The following GEMIN5 variants were observed in gnomAD, a reference collection of about 807,000 sequenced individuals.
GEMIN5 encodes the protein gem nuclear organelle associated protein 5, also known as gem-associated protein 5.
GEMIN5 carries 124 observed loss-of-function variants against 176.9 expected under a neutral mutation model. The ratio of observed to expected loss-of-function variants is 0.70; its 90% CI spans 0.61 to 0.81. The LOEUF is 0.81. GEMIN5 is among the 40% of genes least tolerant of loss of function. The probability of loss-of-function intolerance (pLI) is 0.00; values close to 1 mark genes in which losing one functional copy is unlikely to be tolerated. For synonymous variants in GEMIN5, 673 were observed against 665.2 expected, an observed-to-expected ratio of 1.01 and a Z score of -0.18; for missense variants, 1,843 against 1,814.6, an observed-to-expected ratio of 1.02 and a Z score of -0.28.
chr5:154,893,938 T>G (rs1032840610), intron 24 of GEMIN5, among the ~76,000 whole-genome samples: 29 of 152,098 alleles, frequency 1.9e-4, no homozygotes, highest in Non-Finnish European at 3.8e-4. Context: ...TGGCAGTAAT[T>G]TGTTCCTTTT....
chr5:154,937,410 A>C (rs1764292329), intron 1 of GEMIN5, among the ~76,000 whole-genome samples: 1 of 152,246 alleles, frequency 6.6e-6, no homozygotes, highest in Non-Finnish European at 1.5e-5. Flanking sequence ...CTGTGAAATG[A>C]ATGTTGATAT....
At chr5:154,902,498 T>TA (rs764734258) in intron 20 of GEMIN5, 41 bp downstream of exon 20, 1 of 1,604,922 alleles carries the variant, frequency 6.2e-7, no homozygotes, top group Non-Finnish European at 8.5e-7. Context: ...CTAGAGATGA[T>TA]AGAGCTTTTG....
chr5:154,927,552 T>G lies in GEMIN5; in HGVS notation c.915-2A>C, dbSNP rs1764072054. 1 of 1,580,512 alleles carries G rather than the reference T, an allele frequency of 6.3e-7. No homozygotes were observed. ...AGATCCCATTGCAACAGTTCACCTC[T>G]GTGAAGGAAAAACATAAGCATTAGT... On this transcript the variant is annotated splice_acceptor_variant, in intron 6 of 27. Coordinates refer to ENST00000285873, the MANE Select transcript of GEMIN5 (RefSeq NM_015465.5). LOFTEE classifies it high-confidence loss of function.
At chr5:154,902,125 A>G (rs1347320831) in intron 20 of GEMIN5, among the ~76,000 whole-genome samples, 1 of 151,566 alleles carries the variant, frequency 6.6e-6, no homozygotes, top group Non-Finnish European at 1.5e-5. Flanking sequence ...TTTTTTAAAG[A>G]GACAAGGTCT....
Position 154,932,088 on chromosome 5 carries a change from A to T in GEMIN5, c.661+11T>A. On this transcript the variant is annotated intron_variant, in intron 4 of 27. Coordinates refer to ENST00000285873, the MANE Select transcript of GEMIN5 (RefSeq NM_015465.5). Reference sequence around the variant, plus strand: ...TCAAGTGGACTTAACTTTCCCTTAAACCATCTCTACCTGAAGTTTCCTCTT... The same window carrying T: ...TCAAGTGGACTTAACTTTCCCTTAATCCATCTCTACCTGAAGTTTCCTCTT... The T allele has an allele frequency of 6.2e-7, 1 of 1,603,464 alleles. No homozygotes were observed. Among genetic ancestry groups the T allele is most frequent in the Non-Finnish European group, 8.5e-7 (1 of 1,173,672 alleles).
In GEMIN5 at chr5:154,902,670, C is replaced by T; in HGVS notation, c.2735G>A (p.Gly912Asp). Residue 912 changes from glycine (G) to aspartate (D), a missense_variant, in exon 20 of 28, where the codon GGT (glycine) becomes GAT (aspartate). Physicochemically the swap from Gly to Asp is moderately conservative, Grantham distance 94 (BLOSUM62 -1). Transcript: ENST00000285873. The stretch of plus-strand genomic sequence containing the variant: ...CTCAGGGTGGCCATTTTCTAAGTGA[C>T]CTTTTCCTGTTTGAAAGAGAGATAA... ...LYRMIDIEGKGHLENGHPELF... is the reference protein window; with the variant it reads ...LYRMIDIEGKDHLENGHPELF... The T allele has an allele frequency of 3.1e-6, 5 of 1,613,816 alleles. No homozygotes were observed. The highest frequency in any genetic ancestry group is 4.5e-5 in the East Asian group (2 of 44,882).
rs1418154689 is a variant in GEMIN5 at position 154,890,634 on chromosome 5, A to T, written c.4262+607T>A. On this transcript the variant is annotated intron_variant, in intron 26 of 27. Coordinates refer to ENST00000285873, the MANE Select transcript of GEMIN5 (RefSeq NM_015465.5). ...GCATGCCACCACTACTGGCTAATTT[A>T]AAAAAATTAATTTTTCTAGAGACAG... Among the ~76,000 whole-genome samples the T allele has an allele frequency of 3.9e-5, 6 of 151,998 alleles. No individual in the cohort carries two copies. In the East Asian group the frequency reaches 7.7e-4, roughly 20 times the overall value.
At chr5:154,914,361 T>G (rs1458781567) in intron 13 of GEMIN5, among the ~76,000 whole-genome samples, 1 of 151,740 alleles carries the variant, frequency 6.6e-6, no homozygotes, top group African/African-American at 2.4e-5. Context: ...TTATTATAGA[T>G]GAAAGGAGAC....
intron 3 of GEMIN5, among the ~76,000 whole-genome samples, 158 bp downstream of exon 3, chr5:154,935,683 A>C (rs1053545905): frequency 6.6e-6 from 1 of 152,210 alleles, no homozygotes; most frequent in East Asian, 1.9e-4. Flanking sequence ...AGAGACAGTA[A>C]AGACCTGGAG....
In GEMIN5 at chr5:154,935,824, G is replaced by C. The variant is rs764900693; in HGVS notation, c.509+17C>G. ...TAAACAAACAAAAATCATCAATACA[G>C]ATGGCATAGTACTTACCCAATGGCT... On this transcript the variant is annotated intron_variant, in intron 3 of 27. Transcript: ENST00000285873. 4.5e-6 allele frequency: 7 copies of C among 1,561,818 alleles called. No individual in the cohort carries two copies. In the Admixed American group the frequency reaches 1.1e-4, roughly 24 times the overall value.
In GEMIN5 at chr5:154,891,573, G is replaced by A. The variant is rs774430174; in HGVS notation, c.3930C>T (p.Leu1310=). 1.2e-6 allele frequency: 2 copies of A among 1,614,130 alleles called. No homozygotes were observed. Among genetic ancestry groups the A allele is most frequent in the South Asian group, 1.1e-5 (1 of 91,080 alleles). The part of the protein sequence containing the change: ...SVWVRAGHRT[L]SVEPSQQLDT... The stretch of plus-strand genomic sequence containing the variant: ...CTAACTGCTGGCTTGGCTCAACAGA[G>A]AGTGTTCTGTGACCAGCCCTTACCC... The change falls in exon 26 of 28, where the codon CTC becomes CTT. Residue 1310 remains leucine (L), a synonymous_variant. Transcript: ENST00000285873.
At chr5:154,911,943 CT>C (rs1763711598) in intron 14 of GEMIN5, 45 bp from the exon 15 acceptor site, 1 of 1,552,156 alleles carries the variant, frequency 6.4e-7, no homozygotes, top group Non-Finnish European at 8.8e-7. Context: ...TCTGGTTATT[CT>C]ATTGTTTGGG....
At chr5:154,935,651 A>G (rs1490671453) in intron 3 of GEMIN5, among the ~76,000 whole-genome samples, 190 bp downstream of exon 3, 1 of 152,234 alleles carries the variant, frequency 6.6e-6, no homozygotes, top group Non-Finnish European at 1.5e-5. Flanking sequence ...CATGGAAACC[A>G]AGGAAACAAA....
In GEMIN5 at chr5:154,935,838, T is replaced by C. The variant is rs1439170495; in HGVS notation, c.509+3A>G. ...TCATCAATACAGATGGCATAGTACT[T>C]ACCCAATGGCTACTAAATCTTCATG... On this transcript the variant is annotated splice_donor_region_variant and intron_variant, in intron 3 of 27. Coordinates refer to ENST00000285873, the MANE Select transcript of GEMIN5 (RefSeq NM_015465.5). 2.1e-5 allele frequency: 34 copies of C among 1,604,708 alleles called. No homozygotes were observed. Among genetic ancestry groups the C allele is most frequent in the Non-Finnish European group, 2.6e-5 (31 of 1,171,962 alleles).
chr5:154,891,049 C>G (rs1038143133), intron 26 of GEMIN5, among the ~76,000 whole-genome samples, 192 bp downstream of exon 26: 6 of 138,772 alleles, frequency 4.3e-5, no homozygotes, highest in Middle Eastern at 3.3e-3. Context: ...ATCCACTGTG[C>G]CCGGGCTTTT....
At position 154,924,543 on chromosome 5, in the gene GEMIN5, G is replaced by C. The variant is rs1390935537; in HGVS notation, c.1305C>G (p.His435Gln). 2 of 1,609,178 alleles carry C rather than the reference G, an allele frequency of 1.2e-6. No individual in the cohort carries two copies. Among genetic ancestry groups the C allele is most frequent in the Non-Finnish European group, 1.7e-6 (2 of 1,175,866 alleles). The change falls in exon 9 of 28, where the codon CAC becomes CAG. Residue 435 changes from histidine (H) to glutamine (Q), a missense_variant. Physicochemically the swap from His to Gln is conservative, Grantham distance 24 (BLOSUM62 0). Coordinates refer to ENST00000285873, the MANE Select transcript of GEMIN5 (RefSeq NM_015465.5). The part of the protein sequence containing the change: ...VKSKVTALCW[H>Q]PTKEGCLAFG... ...AAGCTAAGCAACCTTCCTTGGTTGG[G>C]TGCCAGCACAGCTACAAAAAAAAGA...
chr5:154,930,844 AT>A (rs1260077628), intron 5 of GEMIN5, among the ~76,000 whole-genome samples: 2 of 152,060 alleles, frequency 1.3e-5, no homozygotes, highest in African/African-American at 2.4e-5. Context: ...GCCAAAAAAA[AT>A]AAAATAAAAT....
intron 22 of GEMIN5, 40 bp downstream of exon 22, chr5:154,899,151 T>C: frequency 6.4e-7 from 1 of 1,557,024 alleles, no homozygotes; most frequent in Non-Finnish European, 8.7e-7. Flanking sequence ...TGGCAGAAGC[T>C]CTCCTATGTT....
rs1374086346 is a variant in GEMIN5 at position 154,891,392 on chromosome 5, GT to G, written c.4110del (p.Gln1371ArgfsTer14). 6.2e-7 allele frequency: 1 copy of G among 1,613,996 alleles called. No individual in the cohort carries two copies. The highest frequency in any genetic ancestry group is 1.3e-5 in the African/African-American group (1 of 74,878). ...TCTTGGACTTCAGCAACAGTTCTCT[GT>G]GAGTTTTGGAGACTGGCATGCTTTT... is the stretch of plus-strand genomic sequence containing the variant. ...FSEKHASLQN[S>X]QRTVAEVQET... On this transcript the variant is annotated frameshift_variant, in exon 26 of 28. Coordinates refer to ENST00000285873, the MANE Select transcript of GEMIN5 (RefSeq NM_015465.5). LOFTEE classifies it high-confidence loss of function.
Sources: gnomAD v4.1 joint callset for allele counts (sites outside exome capture counted in the v4.1 genomes callset) on GRCh38, gnomAD v4.1.1 for gene constraint, MANE v1.5 for transcripts, NCBI Gene and HGNC (gene_info 2026-07-23, HGNC 2026-07-21) for gene names.